The following ATP11B variants were observed in gnomAD, a reference collection of about 807,000 sequenced individuals.
ATP11B encodes the protein phospholipid-transporting ATPase IF.
ATP11B carries 81 observed loss-of-function variants against 157.8 expected under a neutral mutation model. The ratio of observed to expected loss-of-function variants is 0.51; its 90% confidence interval spans 0.43 to 0.62. The LOEUF is 0.62. Ranked by LOEUF, ATP11B falls within the 20% of genes least tolerant of loss-of-function variation. The pLI is 0.00. For synonymous variants in ATP11B, 451 were observed against 469.4 expected, an observed-to-expected ratio of 0.96 and a Z score of 0.51; for missense variants, 1,165 against 1,402.2, an observed-to-expected ratio of 0.83 and a Z score of 2.70.
intron 6 of ATP11B, 100 bp from the exon 7 acceptor site, chr3:182,836,971 A>T (rs1718600576): frequency 3.9e-6 from 3 of 770,488 alleles, no homozygotes; most frequent in Non-Finnish European, 6.6e-6. Context: ...TCTCAAGTAC[A>T]GTATGCCATT....
At chr3:182,914,389 C>G in intron 29 of ATP11B, 1 of 986,462 alleles carries the variant, frequency 1.0e-6, no homozygotes, top group Non-Finnish European at 1.2e-6. Context: ...AAAATAATCT[C>G]AACATAACAG....
At chr3:182,794,773 A>C (rs1198524964) in intron 1 of ATP11B, among the ~76,000 whole-genome samples, 3 of 152,250 alleles carry the variant, frequency 2.0e-5, no homozygotes, top group Non-Finnish European at 2.9e-5. Context: ...GAAGAAGCCT[A>C]ACCTTATCTG....
At chr3:182,903,585 A>G (rs1472527714) in intron 28 of ATP11B, among the ~76,000 whole-genome samples, 1 of 152,218 alleles carries the variant, frequency 6.6e-6, no homozygotes, top group African/African-American at 2.4e-5. Flanking sequence ...TTCAAATTAC[A>G]ATGGTGTAAT....
At chr3:182,848,678 G>A in intron 10 of ATP11B, 121 bp downstream of exon 10, 1 of 380,998 alleles carries the variant, frequency 2.6e-6, no homozygotes, top group Non-Finnish European at 4.1e-6. Context: ...CTTGGGGACA[G>A]TGATAGTTTC....
chr3:182,915,909 TATC>T, intron 29 of ATP11B: 1 of 968,444 alleles, frequency 1.0e-6, no homozygotes, highest in Non-Finnish European at 1.2e-6. Context: ...TAGTAATTAA[TATC>T]ATATTAGACT....
Position 182,845,384 on chromosome 3 carries a change from C to T in ATP11B, c.705-74C>T, listed in dbSNP as rs902418981. ...ATGGCTATAGCTTAAGTACCTTCTG[C>T]TGAAGATGCCATTTCAGAATTGAAG... On this transcript the variant is annotated intron_variant, in intron 8 of 29. Transcript: ENST00000323116. The T allele has an allele frequency of 4.7e-6, 6 of 1,275,770 alleles. No homozygotes were observed. The African/African-American group carries it at 9.4e-5, about 20-fold the overall frequency. 79.0% of individuals were successfully genotyped at this position (1,275,770 alleles called of 1,614,324 possible).
rs1725377874 is a variant in ATP11B, at chr3:182,920,177, G to T, written c.*2073G>T. The T allele has an allele frequency of 6.6e-6, 1 of 152,136 alleles. No individual in the cohort carries two copies. Among genetic ancestry groups the T allele is most frequent in the Non-Finnish European group, 1.5e-5 (1 of 68,020 alleles). The allele number at this position is 152,136 out of a possible 1,614,324, so 9.4% of individuals were successfully genotyped here. A position where few individuals can be genotyped will look rare whatever the true frequency, so the allele number is the denominator to read the frequency against. ...ATGACCAACTGCAGCAAGACAGGAG[G>T]TCAGCTCGCCTATAATGGTGCTTAA... On this transcript the variant is annotated 3_prime_UTR_variant, in exon 30 of 30. Coordinates refer to ENST00000323116, the MANE Select transcript of ATP11B (RefSeq NM_014616.3).
At chr3:182,846,247 A>G (rs1456147158) in intron 9 of ATP11B, among the ~76,000 whole-genome samples, 1 of 151,942 alleles carries the variant, frequency 6.6e-6, no homozygotes, top group South Asian at 2.1e-4. Flanking sequence ...TACCTGTACT[A>G]TATCTTATCT....
chr3:182,800,528 G>A (rs1279819041), intron 1 of ATP11B, among the ~76,000 whole-genome samples: 2 of 151,950 alleles, frequency 1.3e-5, no homozygotes, highest in African/African-American at 2.4e-5. Context: ...GTGCCCAGAC[G>A]ATGTTTGTAT....
intron 8 of ATP11B, among the ~76,000 whole-genome samples, chr3:182,843,324 C>T (rs1053368426): frequency 6.6e-6 from 1 of 152,156 alleles, no homozygotes; most frequent in Non-Finnish European, 1.5e-5. Context: ...TTTTGCATTT[C>T]TTTTTCTGAT....
rs1450220810 is a variant in ATP11B, at chr3:182,793,799, G to A, written c.27+13G>A. 3.6e-6 allele frequency: 5 copies of A among 1,382,580 alleles called. No individual in the cohort carries two copies. The highest frequency in any genetic ancestry group is 4.7e-6 in the Non-Finnish European group (5 of 1,060,488). 85.6% of individuals were successfully genotyped at this position (1,382,580 alleles called of 1,614,324 possible). A position where few individuals can be genotyped will look rare whatever the true frequency, so the allele number is the denominator to read the frequency against. On this transcript the variant is annotated intron_variant, in intron 1 of 29. Coordinates refer to ENST00000323116, the MANE Select transcript of ATP11B (RefSeq NM_014616.3). ...CCGGCAGCAGCTGGTAGGTGCCCCC[G>A]CCCCTCCACCTCCATTCGTCCGCCC...
intron 28 of ATP11B, among the ~76,000 whole-genome samples, chr3:182,903,533 C>A (rs1724117869): frequency 6.6e-6 from 1 of 152,110 alleles, no homozygotes. Context: ...CTAAACCTTT[C>A]AGGTTTTTTA....
In ATP11B at chr3:182,916,479, C is replaced by T. The variant is rs1209464146; in HGVS notation, c.3453-1544C>T. On this transcript the variant is annotated intron_variant, in intron 29 of 29. Coordinates refer to ENST00000323116, the MANE Select transcript of ATP11B (RefSeq NM_014616.3). ...TTAATTGATGTTGTCAATGAAGTAT[C>T]CCATATTGCAAGCTCAGTTTCAAAG... The T allele has an allele frequency of 3.0e-6, 3 of 985,124 alleles. No homozygotes were observed. The African/African-American group carries it at 5.2e-5, about 17-fold the overall frequency. 61.0% of individuals were successfully genotyped at this position (985,124 alleles called of 1,614,324 possible). A position where few individuals can be genotyped will look rare whatever the true frequency, so the allele number is the denominator to read the frequency against.
Position 182,850,837 on chromosome 3 carries a change from G to A in ATP11B, c.851+2280G>A, listed in dbSNP as rs193069064. Among the ~76,000 whole-genome samples, 117 of 152,022 alleles carry A rather than the reference G, an allele frequency of 7.7e-4. 2 individuals carry two copies. Among genetic ancestry groups the A allele is most frequent in the Non-Finnish European group, 1.0e-4 (7 of 67,980 alleles). On this transcript the variant is annotated intron_variant, in intron 10 of 29. Transcript: ENST00000323116. ...AGCAAAGATAAGGATTCAATCTAAC[G>A]GTCCATCAGCAGACGGATGGATAAA...
intron 28 of ATP11B, among the ~76,000 whole-genome samples, chr3:182,904,630 G>A (rs557615038): frequency 1.8e-3 from 278 of 152,286 alleles, no homozygotes; most frequent in African/African-American, 6.6e-3. Context: ...GCTCACACCT[G>A]TAATCCCAGC....
chr3:182,895,398 T>C (rs1723479688), intron 25 of ATP11B, among the ~76,000 whole-genome samples: 1 of 152,206 alleles, frequency 6.6e-6, no homozygotes, highest in African/African-American at 2.4e-5. Context: ...TTGCCTATTA[T>C]ATACCAGGTA....
chr3:182,869,002 G>T, intron 15 of ATP11B, 76 bp from the exon 16 acceptor site: 2 of 898,348 alleles, frequency 2.2e-6, no homozygotes, highest in Non-Finnish European at 3.4e-6. Flanking sequence ...CTTATATATG[G>T]ATTATTTCCA....
chr3:182,917,277 C>T lies in ATP11B; in HGVS notation c.3453-746C>T, dbSNP rs545321196. 4 of 985,250 alleles carry T rather than the reference C, an allele frequency of 4.1e-6. No individual in the cohort carries two copies. In the South Asian group the frequency reaches 1.9e-4, roughly 46 times the overall value. 61.0% of individuals were successfully genotyped at this position (985,250 alleles called of 1,614,324 possible). ...AAAAGCAGTCTTTCACTTGGTAATCCTAATACTGTCCTTGAACTAGGTTAG... is the reference window on the plus strand; with the variant it reads ...AAAAGCAGTCTTTCACTTGGTAATCTTAATACTGTCCTTGAACTAGGTTAG... On this transcript the variant is annotated intron_variant, in intron 29 of 29. Transcript: ENST00000323116.
At chr3:182,877,364 A>G (rs1050817719) in intron 19 of ATP11B, among the ~76,000 whole-genome samples, 6 of 152,174 alleles carry the variant, frequency 3.9e-5, no homozygotes, top group African/African-American at 1.4e-4. Context: ...CATAATCCTG[A>G]CTTACAGGCA....
Sources: allele counts gnomAD v4.1 joint callset (sites outside exome capture counted in the v4.1 genomes callset), GRCh38; gene constraint gnomAD v4.1.1; transcripts MANE v1.5; gene names NCBI Gene and HGNC (gene_info 2026-07-23, HGNC 2026-07-21).